Variants in GTF2B observed in about 807,000 individuals in gnomAD.
GTF2B encodes general transcription factor IIB, also known as transcription initiation factor IIB.
GTF2B carries 20 observed loss-of-function variants against 34.6 expected under a neutral mutation model. The ratio of observed to expected loss-of-function variants is 0.58; its 90% confidence interval spans 0.41 to 0.84. The LOEUF (loss-of-function observed/expected upper bound fraction) is 0.84, where lower values mean the gene tolerates loss of function less well. GTF2B is among the 40% of genes least tolerant of loss of function. The probability of loss-of-function intolerance (pLI) is 0.00; values close to 1 mark genes in which losing one functional copy is unlikely to be tolerated. For synonymous variants in GTF2B, 142 were observed against 132.4 expected, an observed-to-expected ratio of 1.07 and a Z score of -0.50; for missense variants, 237 against 393.3, an observed-to-expected ratio of 0.60 and a Z score of 3.36.
At chr1:88,885,837 T>C (rs1674054671) in intron 2 of GTF2B, among the ~76,000 whole-genome samples, 1 of 152,204 alleles carries the variant, frequency 6.6e-6, no homozygotes, top group South Asian at 2.1e-4. Flanking sequence ...TTTTTAACCA[T>C]TTAAAAATGT....
Position 88,853,156 on chromosome 1 carries a change from G to T in GTF2B, c.*57C>A, listed in dbSNP as rs77974149. The T allele has an allele frequency of 6.6e-7, 1 of 1,514,480 alleles. No individual in the cohort carries two copies. 93.8% of individuals were successfully genotyped at this position (1,514,480 alleles called of 1,614,324 possible). Reference sequence around the variant, plus strand: ...AAGGCTCAACCCAGCATTTTGTATAGGCTATGTACAACAGGCAAAGTTTTG... The same window carrying T: ...AAGGCTCAACCCAGCATTTTGTATATGCTATGTACAACAGGCAAAGTTTTG... On this transcript the variant is annotated 3_prime_UTR_variant, in exon 7 of 7. Coordinates refer to ENST00000370500, the MANE Select transcript of GTF2B (RefSeq NM_001514.6).
intron 3 of GTF2B, among the ~76,000 whole-genome samples, chr1:88,863,472 T>C (rs1673489186): frequency 2.0e-5 from 3 of 151,974 alleles, no homozygotes; most frequent in Non-Finnish European, 4.4e-5. Flanking sequence ...GCCTCGCGAG[T>C]AAGCTGGGAC....
At chr1:88,891,401 C>A (rs1674204005) in intron 1 of GTF2B, 82 bp downstream of exon 1, 1 of 1,083,358 alleles carries the variant, frequency 9.2e-7, no homozygotes, top group Non-Finnish European at 1.4e-6. Context: ...CTCAGCCCTA[C>A]GAGGCTGCCC....
At chr1:88,872,851 G>A (rs930777608) in intron 2 of GTF2B, among the ~76,000 whole-genome samples, 2 of 152,092 alleles carry the variant, frequency 1.3e-5, no homozygotes, top group African/African-American at 4.8e-5. Flanking sequence ...ACATTTAATA[G>A]AAATCTTCCA....
rs561487642 is a variant in GTF2B at position 88,867,404 on chromosome 1, A to T, written c.125-3290T>A. Reference sequence around the variant, plus strand: ...TCCCTTTAATAGCATCCACCAATTAAAGTGATACCATGGTGTTCCCATGCA... The same window carrying T: ...TCCCTTTAATAGCATCCACCAATTATAGTGATACCATGGTGTTCCCATGCA... On this transcript the variant is annotated intron_variant, in intron 2 of 6. Transcript: ENST00000370500. Among the ~76,000 whole-genome samples the T allele has an allele frequency of 5.3e-5, 8 of 152,244 alleles. No homozygotes were observed. In the South Asian group the frequency reaches 1.7e-3, roughly 32 times the overall value.
At chr1:88,858,492 C>T (rs545146151) in intron 5 of GTF2B, among the ~76,000 whole-genome samples, 15 of 152,190 alleles carry the variant, frequency 9.9e-5, no homozygotes, top group Non-Finnish European at 1.6e-4. Flanking sequence ...GCATGAAATC[C>T]CTGCGATTAT....
chr1:88,863,492 C>T (rs1570721917), intron 3 of GTF2B, among the ~76,000 whole-genome samples: 1 of 152,002 alleles, frequency 6.6e-6, no homozygotes, highest in Admixed American at 6.6e-5. Flanking sequence ...CTACAGGTGC[C>T]CGCCACCAAG....
intron 1 of GTF2B, among the ~76,000 whole-genome samples, chr1:88,890,417 C>G (rs1279034676): frequency 6.6e-6 from 1 of 152,162 alleles, no homozygotes; most frequent in African/African-American, 2.4e-5. Context: ...TTGGCAGTTA[C>G]CAGAAAAGGC....
chr1:88,856,290 A>AAAAAAAAAAAAAAAAAG (rs1673310221), intron 6 of GTF2B, among the ~76,000 whole-genome samples: 2 of 80,148 alleles, frequency 2.5e-5, no homozygotes, highest in Non-Finnish European at 4.4e-5. Flanking sequence ...AAAAAAAAAA[A>AAAAAAAAAAAAAAAAAG]CAAAAAAAAA....
At chr1:88,858,833 C>T (rs915973513) in intron 5 of GTF2B, 8 of 150,240 alleles carry the variant, frequency 5.3e-5, no homozygotes, top group Admixed American at 2.7e-4. Context: ...AAAGTGCAAA[C>T]AATACACCTC....
intron 2 of GTF2B, among the ~76,000 whole-genome samples, chr1:88,868,079 G>GA (rs1673600387): frequency 6.6e-6 from 1 of 152,158 alleles, no homozygotes; most frequent in African/African-American, 2.4e-5. Flanking sequence ...AGTCCATTCA[G>GA]AAAAAATTAG....
In GTF2B at chr1:88,864,033, T is replaced by C. The variant is rs1321906416; in HGVS notation, c.206A>G (p.Asp69Gly). The C allele has an allele frequency of 1.2e-6, 2 of 1,613,120 alleles. No individual in the cohort carries two copies. The highest frequency in any genetic ancestry group is 1.3e-5 in the African/African-American group (1 of 74,900). Residue 69 changes from aspartate (D) to glycine (G), a missense_variant, in exon 3 of 7, where the codon GAT (aspartate) becomes GGT (glycine). Physicochemically the swap from Asp to Gly is moderately conservative, Grantham distance 94. Transcript: ENST00000370500. ...ATCACTCAGAAGAGGATTCTGAGAATCTCCAACTCGAGATGGATCTTTTGT... is the reference window on the plus strand; with the variant it reads ...ATCACTCAGAAGAGGATTCTGAGAACCTCCAACTCGAGATGGATCTTTTGT... ...KATKDPSRVG[D>G]SQNPLLSDGD...
At chr1:88,880,101 G>A (rs148910927) in intron 2 of GTF2B, among the ~76,000 whole-genome samples, 1 of 151,622 alleles carries the variant, frequency 6.6e-6, no homozygotes, top group Admixed American at 6.6e-5. Context: ...AAGAAAAATG[G>A]GACTGTCCAA....
At chr1:88,864,160 T>TA in intron 2 of GTF2B, 46 bp from the exon 3 acceptor site, 2 of 1,592,210 alleles carry the variant, frequency 1.3e-6, no homozygotes, top group Non-Finnish European at 1.7e-6. Flanking sequence ...AAGATAGGGT[T>TA]TACTTAACTA....
chr1:88,853,891 A>T (rs1015012858), intron 6 of GTF2B, among the ~76,000 whole-genome samples: 1 of 152,172 alleles, frequency 6.6e-6, no homozygotes, highest in African/African-American at 2.4e-5. Flanking sequence ...AAAAAGTGGG[A>T]GCTAAAGTCA....
At chr1:88,877,648 T>C (rs1191210573) in intron 2 of GTF2B, among the ~76,000 whole-genome samples, 1 of 152,234 alleles carries the variant, frequency 6.6e-6, no homozygotes, top group African/African-American at 2.4e-5. Flanking sequence ...ACAAACAGTT[T>C]CGGCCGGACA....
intron 6 of GTF2B, among the ~76,000 whole-genome samples, chr1:88,856,272 C>CAAAAAAAAACAA (rs1673303266): frequency 2.0e-5 from 1 of 50,038 alleles, no homozygotes; most frequent in Non-Finnish European, 3.4e-5. Flanking sequence ...GTTTCAAAAA[C>CAAAAAAAAACAA]AAAAAAAAAA....
intron 3 of GTF2B, among the ~76,000 whole-genome samples, chr1:88,863,370 G>A (rs1673486783): frequency 6.6e-6 from 1 of 151,972 alleles, no homozygotes; most frequent in South Asian, 2.1e-4. Context: ...TTGAGACAGA[G>A]TCTCACTCTG....
At chr1:88,858,276 G>A (rs372892304) in intron 5 of GTF2B, among the ~76,000 whole-genome samples, 3 of 152,136 alleles carry the variant, frequency 2.0e-5, no homozygotes, top group Admixed American at 6.5e-5. Flanking sequence ...TGAGATTACC[G>A]GTGTGAGCCA....
Sources: allele counts gnomAD v4.1 joint callset (sites outside exome capture counted in the v4.1 genomes callset), GRCh38; gene constraint gnomAD v4.1.1; transcripts MANE v1.5; gene names NCBI Gene and HGNC (gene_info 2026-07-23, HGNC 2026-07-21).